The following EPHA4 variants were observed in gnomAD, a reference collection of about 807,000 sequenced individuals.
EPHA4 encodes the protein ephrin type-A receptor 4.
EPHA4 carries 19 observed loss-of-function variants against 108.3 expected under a neutral mutation model. That is an observed-to-expected ratio of 0.18 (90% CI 0.12 to 0.26). The LOEUF (loss-of-function observed/expected upper bound fraction) is 0.26. Among genes scored for constraint, EPHA4 ranks in the 10% least tolerant of loss-of-function variants. The pLI is 1.00. For missense variants in EPHA4, 917 were observed against 1,254.0 expected (o/e 0.73, Z 4.06); for synonymous variants, 449 against 455.5 (o/e 0.99, Z 0.18).
At chr2:221,525,264 T>C (rs1039217908) in intron 3 of EPHA4, among the ~76,000 whole-genome samples, 6 of 152,140 alleles carry the variant, frequency 3.9e-5, no homozygotes, top group Admixed American at 6.5e-5. Flanking sequence ...GAACTCCCCA[T>C]TTAGGCAGAT....
At chr2:221,478,059 A>G (rs1691710530) in intron 5 of EPHA4, among the ~76,000 whole-genome samples, 2 of 152,030 alleles carry the variant, frequency 1.3e-5, no homozygotes, top group South Asian at 4.2e-4. Context: ...TGGGGTGAGG[A>G]GGGAACACCA....
chr2:221,500,335 G>A (rs780860764), intron 4 of EPHA4, among the ~76,000 whole-genome samples: 3 of 152,106 alleles, frequency 2.0e-5, no homozygotes, highest in South Asian at 2.1e-4. Flanking sequence ...TCCCCATTCC[G>A]ATCAAGGTCA....
In EPHA4 at chr2:221,557,184, T is replaced by C. The variant is rs571189567; in HGVS notation, c.823+6547A>G. Among the ~76,000 whole-genome samples the C allele has an allele frequency of 4.6e-5, 7 of 152,314 alleles. No individual in the cohort carries two copies. The South Asian group carries it at 1.5e-3, about 32-fold the overall frequency. The stretch of plus-strand genomic sequence containing the variant: ...GGACCACATGGAGAACCACAGTGAC[T>C]TGGGGCACAGAGGATTGGATCAATG... On this transcript the variant is annotated intron_variant, in intron 3 of 17. Coordinates refer to ENST00000281821, the MANE Select transcript of EPHA4 (RefSeq NM_004438.5).
At chr2:221,519,426 C>G (rs555410012) in intron 3 of EPHA4, among the ~76,000 whole-genome samples, 1 of 152,108 alleles carries the variant, frequency 6.6e-6, no homozygotes, top group Non-Finnish European at 1.5e-5. Flanking sequence ...GAGTGGAAAA[C>G]AGATGGTGAT....
At chr2:221,536,130 G>A (rs1693662801) in intron 3 of EPHA4, among the ~76,000 whole-genome samples, 1 of 152,152 alleles carries the variant, frequency 6.6e-6, no homozygotes, top group Admixed American at 6.5e-5. Context: ...TGGCAAAAGA[G>A]CACTTTATCT....
At chr2:221,490,903 T>G (rs1014408904) in intron 4 of EPHA4, among the ~76,000 whole-genome samples, 1 of 152,220 alleles carries the variant, frequency 6.6e-6, no homozygotes, top group Non-Finnish European at 1.5e-5. Context: ...TCCTGACATA[T>G]ATGAACAGTG....
chr2:221,488,320 G>C (rs902851925), intron 4 of EPHA4, among the ~76,000 whole-genome samples: 1 of 152,096 alleles, frequency 6.6e-6, no homozygotes, highest in Non-Finnish European at 1.5e-5. Context: ...TATCTAAAAA[G>C]CTCAGTCCAG....
intron 6 of EPHA4, among the ~76,000 whole-genome samples, chr2:221,457,575 A>G (rs1690998797): frequency 6.6e-6 from 1 of 152,212 alleles, no homozygotes; most frequent in Non-Finnish European, 1.5e-5. Context: ...ATGTATTATC[A>G]TTATTGTTAT....
At chr2:221,509,954 A>T (rs2106164507) in intron 3 of EPHA4, among the ~76,000 whole-genome samples, 1 of 152,262 alleles carries the variant, frequency 6.6e-6, no homozygotes, top group East Asian at 1.9e-4. Context: ...CTGAACTTCA[A>T]TTTTTTCATC....
chr2:221,466,634 A>G (rs1357997008), intron 5 of EPHA4, among the ~76,000 whole-genome samples: 1 of 152,216 alleles, frequency 6.6e-6, no homozygotes. Flanking sequence ...ACTAGCATTT[A>G]TTGAGTAATT....
At chr2:221,434,315 T>A (rs777796487) in intron 13 of EPHA4, 24 bp from the exon 14 acceptor site, 1 of 1,612,208 alleles carries the variant, frequency 6.2e-7, no homozygotes, top group South Asian at 1.1e-5. Context: ...AGCCATAAGT[T>A]ATTCCTTAAG....
intron 14 of EPHA4, among the ~76,000 whole-genome samples, chr2:221,431,503 A>G (rs1343028127): frequency 1.3e-5 from 2 of 152,194 alleles, no homozygotes; most frequent in African/African-American, 4.8e-5. Context: ...TATTTTGCCA[A>G]TATCATGTAT....
intron 3 of EPHA4, among the ~76,000 whole-genome samples, chr2:221,510,427 A>C (rs866819791): frequency 1.3e-5 from 2 of 152,194 alleles, no homozygotes; most frequent in African/African-American, 4.8e-5. Flanking sequence ...TCCTCTGGCA[A>C]GACACAGTTC....
chr2:221,498,056 CA>C lies in EPHA4; in HGVS notation c.979+2960del, dbSNP rs1692352480. Among the ~76,000 whole-genome samples the C allele has an allele frequency of 3.3e-5, 5 of 152,276 alleles. No homozygotes were observed. In the South Asian group the frequency reaches 1.0e-3, roughly 32 times the overall value. On this transcript the variant is annotated intron_variant, in intron 4 of 17. Transcript: ENST00000281821. ...TACCACAGCCTTATTACACATACAT[CA>C]AATGTTCCAGCAACACAGACATATG...
At chr2:221,456,533 C>T in intron 7 of EPHA4, 80 bp downstream of exon 7, 1 of 1,457,752 alleles carries the variant, frequency 6.9e-7, no homozygotes, top group African/African-American at 1.4e-5. Flanking sequence ...CAGACAACTC[C>T]TTAGATTTCA....
chr2:221,502,704 C>A, intron 3 of EPHA4: 1 of 409,558 alleles, frequency 2.4e-6, no homozygotes, highest in South Asian at 1.8e-5. Flanking sequence ...TAATGGCAAG[C>A]GGAAAGGGAA....
At chr2:221,437,152 C>A in intron 11 of EPHA4, 30 bp from the exon 12 acceptor site, 1 of 1,517,848 alleles carries the variant, frequency 6.6e-7, no homozygotes, top group Non-Finnish European at 9.1e-7. Flanking sequence ...AAACACAAAC[C>A]TTTGATGAGC....
chr2:221,434,973 T>C (rs1690186392), intron 13 of EPHA4, among the ~76,000 whole-genome samples: 1 of 152,222 alleles, frequency 6.6e-6, no homozygotes, highest in Non-Finnish European at 1.5e-5. Flanking sequence ...CACTTTTTTT[T>C]CTGCCTCAAA....
upstream of EPHA4, chr2:221,572,333 TTGCCAAGGGGGCGGGCCCGGCCGGTG>T: frequency 7.9e-7 from 1 of 1,265,240 alleles, no homozygotes; most frequent in Admixed American, 1.9e-5. Context: ...GCTGAAGACA[TTGCCAAGGGGGCGGGCCCGGCCGGTG>T]ACGTGAGCCC....
Sources: allele counts gnomAD v4.1 joint callset (sites outside exome capture counted in the v4.1 genomes callset), GRCh38; gene constraint gnomAD v4.1.1; transcripts MANE v1.5; gene names NCBI Gene and HGNC (gene_info 2026-07-23, HGNC 2026-07-21).